Variants in ST18 observed in about 807,000 individuals in gnomAD.
ST18 encodes suppression of tumorigenicity 18 protein.
ST18 carries 50 observed loss-of-function variants against 110.0 expected under a neutral mutation model. That is an observed-to-expected ratio of 0.45 (90% confidence interval 0.36 to 0.58). The LOEUF (loss-of-function observed/expected upper bound fraction) is 0.58, where lower values mean the gene tolerates loss of function less well. Among genes scored for constraint, ST18 ranks in the 20% least tolerant of loss-of-function variants. ST18 has a pLI of 0.00. For missense variants in ST18, 1,306 were observed against 1,280.1 expected (o/e 1.02, Z -0.31); for synonymous variants, 461 against 452.4 (o/e 1.02, Z -0.24).
chr8:52,350,635 T>G (rs1590150812), intron 2 of ST18, among the ~76,000 whole-genome samples: 1 of 152,082 alleles, frequency 6.6e-6, no homozygotes, highest in Non-Finnish European at 1.5e-5. Flanking sequence ...AGACAGGAAG[T>G]GGGGGAGGCA....
intron 2 of ST18, among the ~76,000 whole-genome samples, chr8:52,262,698 T>G (rs1346475703): frequency 6.6e-6 from 1 of 152,252 alleles, no homozygotes; most frequent in African/African-American, 2.4e-5. Flanking sequence ...AAGAGTCTTT[T>G]TCACCTGTAA....
intron 2 of ST18, among the ~76,000 whole-genome samples, chr8:52,391,810 A>G (rs1376910556): frequency 2.0e-5 from 3 of 152,192 alleles, no homozygotes; most frequent in Admixed American, 2.0e-4. Flanking sequence ...CAAATGGAGA[A>G]ATTTGACCCA....
intron 12 of ST18, 83 bp downstream of exon 12, chr8:52,165,052 C>G (rs2062500719): frequency 7.5e-7 from 1 of 1,340,736 alleles, no homozygotes; most frequent in Non-Finnish European, 1.1e-6. Context: ...TTTCATCACA[C>G]ATTGGTAACC....
At chr8:52,351,096 G>GT (rs1469184800) in intron 2 of ST18, among the ~76,000 whole-genome samples, 1 of 152,114 alleles carries the variant, frequency 6.6e-6, no homozygotes, top group Non-Finnish European at 1.5e-5. Context: ...GTATCTCCTA[G>GT]TAGATGCTCA....
At chr8:52,287,981 G>A (rs533035212) in intron 2 of ST18, among the ~76,000 whole-genome samples, 6 of 152,240 alleles carry the variant, frequency 3.9e-5, no homozygotes, top group South Asian at 2.1e-4. Context: ...TCAGAGGGTC[G>A]GGAAATATCA....
chr8:52,312,930 C>G (rs1030885003), intron 2 of ST18, among the ~76,000 whole-genome samples: 2 of 152,188 alleles, frequency 1.3e-5, no homozygotes, highest in African/African-American at 2.4e-5. Context: ...CAAGGGCATG[C>G]TGTCCACATC....
chr8:52,340,685 A>C (rs1025358241), intron 2 of ST18, among the ~76,000 whole-genome samples: 1 of 152,236 alleles, frequency 6.6e-6, no homozygotes, highest in Non-Finnish European at 1.5e-5. Context: ...CTCACCCCAC[A>C]GAACTGCTAG....
intron 2 of ST18, among the ~76,000 whole-genome samples, chr8:52,368,327 A>G (rs1473283490): frequency 6.6e-6 from 1 of 152,256 alleles, no homozygotes; most frequent in Non-Finnish European, 1.5e-5. Context: ...AAATTCACAA[A>G]CAAATGGAGA....
At chr8:52,331,293 AAT>A (rs1381602576) in intron 2 of ST18, among the ~76,000 whole-genome samples, 5 of 151,884 alleles carry the variant, frequency 3.3e-5, no homozygotes, top group Non-Finnish European at 4.4e-5. Context: ...ATTCACATAT[AAT>A]ATGTTTATCT....
Position 52,116,905 on chromosome 8 carries a change from C to T in ST18, c.2860-487G>A, listed in dbSNP as rs530121341. 5.9e-5 allele frequency among the ~76,000 whole-genome samples: 9 copies of T among 152,208 alleles called. No homozygotes were observed. The South Asian group carries it at 6.2e-4, about 11-fold the overall frequency. On this transcript the variant is annotated intron_variant, in intron 24 of 25. Transcript: ENST00000689386. ...CACCAGTGTGACTGTGCTACCTTCT[C>T]GTGGGTGGCCTTGTGTTTGCCATTA...
At chr8:52,278,008 A>T (rs1019539698) in intron 2 of ST18, among the ~76,000 whole-genome samples, 1 of 152,198 alleles carries the variant, frequency 6.6e-6, no homozygotes, top group Non-Finnish European at 1.5e-5. Flanking sequence ...TGCACAAAAT[A>T]TTATAAAATT....
chr8:52,342,354 A>G (rs1815472502), intron 2 of ST18, among the ~76,000 whole-genome samples: 1 of 113,818 alleles, frequency 8.8e-6, no homozygotes, highest in African/African-American at 3.4e-5. Flanking sequence ...ACGATCTTAT[A>G]TATGACTCCA....
intron 2 of ST18, among the ~76,000 whole-genome samples, chr8:52,319,616 G>C (rs1241848860): frequency 6.6e-6 from 1 of 152,056 alleles, no homozygotes; most frequent in Non-Finnish European, 1.5e-5. Context: ...GTGTGGCAAA[G>C]TACCCCACAA....
chr8:52,308,806 T>C (rs2095854712), intron 2 of ST18, among the ~76,000 whole-genome samples: 1 of 152,220 alleles, frequency 6.6e-6, no homozygotes, highest in Admixed American at 6.5e-5. Context: ...CTGTCTGGAC[T>C]GTGCCCTCCA....
chr8:52,283,582 G>A (rs1445402090), intron 2 of ST18, among the ~76,000 whole-genome samples: 1 of 152,204 alleles, frequency 6.6e-6, no homozygotes, highest in Non-Finnish European at 1.5e-5. Context: ...TTCAGGGAAA[G>A]GAGAGTCACC....
chr8:52,241,036 A>G (rs1278075801), intron 2 of ST18, among the ~76,000 whole-genome samples: 2 of 152,344 alleles, frequency 1.3e-5, no homozygotes, highest in South Asian at 4.1e-4. Context: ...TGAATCTCCT[A>G]TCTTGGCTAA....
intron 2 of ST18, among the ~76,000 whole-genome samples, chr8:52,345,671 C>T (rs1032591926): frequency 2.6e-5 from 4 of 152,226 alleles, no homozygotes; most frequent in African/African-American, 9.6e-5. Context: ...AGCATGACAG[C>T]TGTCCTCTAA....
intron 2 of ST18, among the ~76,000 whole-genome samples, chr8:52,352,771 G>A (rs1013887910): frequency 1.3e-5 from 2 of 152,168 alleles, no homozygotes; most frequent in Non-Finnish European, 2.9e-5. Flanking sequence ...GAAAAATCAC[G>A]GGACTGCGCA....
rs1054712371 is a variant in ST18 at position 52,110,892 on chromosome 8, T to G, written c.*2306A>C. On this transcript the variant is annotated 3_prime_UTR_variant, in exon 26 of 26. Coordinates refer to ENST00000689386, the MANE Select transcript of ST18 (RefSeq NM_001352837.2). ...ACCAAATGTACAGCACTGAACACAA[T>G]TTTGTTGCTTTGATGTAAGAAATAT... 1 of 391,148 alleles carries G rather than the reference T, an allele frequency of 2.6e-6. No homozygotes were observed. The highest frequency in any genetic ancestry group is 4.5e-6 in the Non-Finnish European group (1 of 221,314). 24.2% of individuals were successfully genotyped at this position (391,148 alleles called of 1,614,324 possible). A position where few individuals can be genotyped will look rare whatever the true frequency, so the allele number is the denominator to read the frequency against.
Sources: gnomAD v4.1 joint callset for allele counts (sites outside exome capture counted in the v4.1 genomes callset) on GRCh38, gnomAD v4.1.1 for gene constraint, MANE v1.5 for transcripts, NCBI Gene and HGNC (gene_info 2026-07-23, HGNC 2026-07-21) for gene names.